Variants in NHS observed in about 807,000 individuals in gnomAD.
NHS encodes the protein NHS actin remodeling regulator, also known as actin remodeling regulator NHS.
NHS carries 5 observed loss-of-function variants against 72.5 expected under a neutral mutation model. That is an observed-to-expected ratio of 0.07 (90% CI 0.04 to 0.14). NHS has a LOEUF of 0.14. NHS is among the 10% of genes least tolerant of loss of function. The pLI is 1.00. For missense variants in NHS, 1,072 were observed against 1,355.7 expected, an observed-to-expected ratio of 0.79 and a Z score of 3.29; for synonymous variants, 464 against 547.7, an observed-to-expected ratio of 0.85 and a Z score of 2.13.
rs112323033 is a variant in NHS, at chrX:17,661,448, C to T, written c.566-26294C>T. On this transcript the variant is annotated intron_variant, in intron 1 of 8. Coordinates refer to ENST00000676302, the MANE Select transcript of NHS (RefSeq NM_001291867.2). The stretch of plus-strand genomic sequence containing the variant: ...TTGCCCCCCACCCCCTGACAGGCCC[C>T]GGTGTGTGATGTTCCCCTCTCGAAG... Among the ~76,000 whole-genome samples, 1,013 of 109,225 alleles carry T rather than the reference C, an allele frequency of 9.3e-3. 16 individuals carry two copies. The highest frequency in any genetic ancestry group is 0.032 in the African/African-American group (965 of 29,899). The allele number at this position is 109,225 out of a possible 115,157, so 94.8% of individuals were successfully genotyped here.
At chrX:17,514,229 A>G (rs1321435218) in intron 1 of NHS, among the ~76,000 whole-genome samples, 1 of 112,499 alleles carries the variant, frequency 8.9e-6, no homozygotes, top group African/African-American at 3.2e-5. Context: ...TGAGGGTGTT[A>G]CCAAAGGAGA....
chrX:17,399,524 T>C (rs574570165), intron 1 of NHS, among the ~76,000 whole-genome samples: 2 of 112,066 alleles, frequency 1.8e-5, no homozygotes, highest in African/African-American at 6.5e-5. Flanking sequence ...CATCAACAAC[T>C]CTTCCTATGG....
chrX:17,434,296 T>A (rs1421431374), intron 1 of NHS, among the ~76,000 whole-genome samples: 2 of 111,583 alleles, frequency 1.8e-5, no homozygotes, highest in Non-Finnish European at 3.8e-5. Flanking sequence ...AAAACTCAAC[T>A]GGAAACTTCC....
chrX:17,433,196 C>CTTT (rs768285319), intron 1 of NHS, among the ~76,000 whole-genome samples: 4 of 64,599 alleles, frequency 6.2e-5, no homozygotes, highest in South Asian at 1.1e-3. Context: ...CGCCCGGCTA[C>CTTT]TTTTTTTTTT....
intron 1 of NHS, among the ~76,000 whole-genome samples, chrX:17,533,809 T>A (rs1457879383): frequency 8.9e-6 from 1 of 111,905 alleles, no homozygotes; most frequent in East Asian, 2.8e-4. Context: ...TGGCCTGCAC[T>A]ATGAGGTTAA....
intron 1 of NHS, among the ~76,000 whole-genome samples, chrX:17,399,728 C>T (rs759452713): frequency 5.4e-5 from 6 of 111,745 alleles, no homozygotes; most frequent in Admixed American, 9.5e-5. Context: ...AAGAAAGATA[C>T]GGATTGTTAC....
chrX:17,734,340 G>C lies in NHS; in HGVS notation c.*1876G>C, dbSNP rs745986018. ...TCTAAACTGCTACAGATTAAGAATA[G>C]ATAATCTGATTGCTGTTGTTTTGTT... On this transcript the variant is annotated 3_prime_UTR_variant, in exon 9 of 9. Coordinates refer to ENST00000676302, the MANE Select transcript of NHS (RefSeq NM_001291867.2). 2 of 112,543 alleles carry C rather than the reference G, an allele frequency of 1.8e-5. No homozygotes were observed. The highest frequency in any genetic ancestry group is 3.8e-5 in the Non-Finnish European group (2 of 53,263). 9.3% of individuals were successfully genotyped at this position (112,543 alleles called of 1,213,427 possible).
At chrX:17,526,355 A>T (rs1206938548) in intron 1 of NHS, among the ~76,000 whole-genome samples, 1 of 112,303 alleles carries the variant, frequency 8.9e-6, no homozygotes, top group Non-Finnish European at 1.9e-5. Flanking sequence ...CTCATCTGGG[A>T]TGTTCCCCCT....
At chrX:17,615,086 A>G (rs112883935) in intron 1 of NHS, among the ~76,000 whole-genome samples, 1,052 of 95,455 alleles carry the variant, frequency 0.011, 23 homozygotes, top group African/African-American at 0.04. Flanking sequence ...ATATATATAT[A>G]TGTGTGTATA....
intron 1 of NHS, among the ~76,000 whole-genome samples, chrX:17,668,589 C>T (rs897142138): frequency 3.6e-5 from 4 of 110,446 alleles, no homozygotes; most frequent in African/African-American, 1.3e-4. Context: ...ACACAGCTCA[C>T]CCCTTCACTG....
At position 17,700,614 on chromosome X, in the gene NHS, C is replaced by CT. The variant is rs770687330; in HGVS notation, c.852+8147dup. ...GAAATTCAAACGTGGTCCAACCTAA[C>CT]TGAGGGCAATTTGGCAATATCTAAC... On this transcript the variant is annotated intron_variant, in intron 3 of 8. Coordinates refer to ENST00000676302, the MANE Select transcript of NHS (RefSeq NM_001291867.2). Among the ~76,000 whole-genome samples, 53 of 111,891 alleles carry CT rather than the reference C, an allele frequency of 4.7e-4. No individual in the cohort carries two copies. The East Asian group carries it at 0.011, about 24-fold the overall frequency.
At chrX:17,575,393 A>G (rs1020528951) in intron 1 of NHS, among the ~76,000 whole-genome samples, 3 of 112,646 alleles carry the variant, frequency 2.7e-5, no homozygotes, top group African/African-American at 9.7e-5. Flanking sequence ...TTTAAAATAC[A>G]TCACCAGTTT....
chrX:17,455,289 C>T (rs757118262), intron 1 of NHS, among the ~76,000 whole-genome samples: 1 of 111,663 alleles, frequency 9.0e-6, no homozygotes, highest in Admixed American at 9.5e-5. Context: ...CTGGTTACCT[C>T]CCAATAGCTA....
chrX:17,429,376 C>G (rs2064676030), intron 1 of NHS, among the ~76,000 whole-genome samples: 1 of 111,500 alleles, frequency 9.0e-6, no homozygotes, highest in Admixed American at 9.5e-5. Context: ...TTCCTGCGGG[C>G]AATTCCAAGG....
intron 1 of NHS, among the ~76,000 whole-genome samples, chrX:17,553,948 A>G (rs1468228823): frequency 9.0e-6 from 1 of 111,677 alleles, no homozygotes; most frequent in Non-Finnish European, 1.9e-5. Flanking sequence ...TGTGCCACCT[A>G]CAGAATGGGG....
At chrX:17,687,972 A>C in intron 2 of NHS, 78 bp downstream of exon 2, 3 of 1,055,726 alleles carry the variant, frequency 2.8e-6, no homozygotes, top group Non-Finnish European at 3.9e-6. Flanking sequence ...CTGTCCCATC[A>C]GCCCCAACAC....
chrX:17,492,550 C>G (rs1266033660), intron 1 of NHS, among the ~76,000 whole-genome samples: 4 of 111,875 alleles, frequency 3.6e-5, no homozygotes, highest in Non-Finnish European at 7.5e-5. Flanking sequence ...TGTTTTACTT[C>G]CAATTATGTG....
intron 1 of NHS, among the ~76,000 whole-genome samples, chrX:17,538,461 G>C (rs956603588): frequency 5.4e-5 from 6 of 111,626 alleles, no homozygotes; most frequent in Non-Finnish European, 9.4e-5. Context: ...CGTCCTGTTG[G>C]GGACCTCTGG....
At chrX:17,542,063 A>G (rs2065266792) in intron 1 of NHS, among the ~76,000 whole-genome samples, 1 of 112,377 alleles carries the variant, frequency 8.9e-6, no homozygotes, top group Non-Finnish European at 1.9e-5. Context: ...AGGGACATCT[A>G]AAGCTTCAAA....
Sources: allele counts gnomAD v4.1 joint callset (sites outside exome capture counted in the v4.1 genomes callset), GRCh38; gene constraint gnomAD v4.1.1; transcripts MANE v1.5; gene names NCBI Gene and HGNC (gene_info 2026-07-23, HGNC 2026-07-21).